The following EXOC6B variants were observed in gnomAD, a reference collection of about 807,000 sequenced individuals.
The protein encoded by EXOC6B is exocyst complex component 6B.
Under a neutral mutation model 113.5 loss-of-function variants are expected in EXOC6B, and 54 were observed. The ratio of observed to expected loss-of-function variants is 0.48; its 90% CI spans 0.38 to 0.60. The LOEUF (loss-of-function observed/expected upper bound fraction) is 0.60, where lower values mean the gene tolerates loss of function less well. Among genes scored for constraint, EXOC6B ranks in the 20% least tolerant of loss-of-function variants. The pLI, the probability that EXOC6B is intolerant of heterozygous loss-of-function variation, is 0.00. For missense variants in EXOC6B, 797 were observed against 977.5 expected, an observed-to-expected ratio of 0.82 and a Z score of 2.46; for synonymous variants, 357 against 339.0, an observed-to-expected ratio of 1.05 and a Z score of -0.58.
chr2:72,378,497 CT>C (rs1691490460), intron 19 of EXOC6B, among the ~76,000 whole-genome samples: 1 of 152,124 alleles, frequency 6.6e-6, no homozygotes, highest in South Asian at 2.1e-4. Context: ...CTTTTTATGT[CT>C]TCTGTCTAAT....
chr2:72,472,843 C>T (rs924422080), intron 17 of EXOC6B, among the ~76,000 whole-genome samples: 2 of 152,076 alleles, frequency 1.3e-5, no homozygotes, highest in Admixed American at 1.3e-4. Context: ...TTTAGTACTG[C>T]TTTTGTTGTG....
chr2:72,258,523 T>C (rs1683496300), intron 20 of EXOC6B, among the ~76,000 whole-genome samples: 1 of 151,426 alleles, frequency 6.6e-6, no homozygotes, highest in Admixed American at 6.6e-5. Flanking sequence ...CCACCACTCC[T>C]GGCTAATTTT....
chr2:72,658,286 TAAAAAAAAAAA>T (rs60572283), intron 6 of EXOC6B, among the ~76,000 whole-genome samples: 1 of 58,724 alleles, frequency 1.7e-5, no homozygotes, highest in East Asian at 5.5e-4. Context: ...TAAAAACTAG[TAAAAAAAAAAA>T]AAAAAAAAAA....
At chr2:72,456,149 G>T (rs951092896) in intron 18 of EXOC6B, among the ~76,000 whole-genome samples, 1 of 152,090 alleles carries the variant, frequency 6.6e-6, no homozygotes, top group Admixed American at 6.6e-5. Flanking sequence ...ACATTACTAA[G>T]TAATAATGAA....
chr2:72,475,845 T>C (rs1558707366), intron 17 of EXOC6B, among the ~76,000 whole-genome samples: 1 of 152,186 alleles, frequency 6.6e-6, no homozygotes, highest in East Asian at 1.9e-4. Flanking sequence ...CCCTAGCTGA[T>C]ACATTGCTCA....
intron 20 of EXOC6B, among the ~76,000 whole-genome samples, chr2:72,250,526 T>C (rs1001094847): frequency 6.6e-6 from 1 of 151,790 alleles, no homozygotes; most frequent in Non-Finnish European, 1.5e-5. Context: ...TTTTTTTTTG[T>C]AGAGACAGGG....
chr2:72,665,084 C>T (rs568588800), intron 6 of EXOC6B, among the ~76,000 whole-genome samples: 2 of 152,144 alleles, frequency 1.3e-5, no homozygotes, highest in East Asian at 1.9e-4. Context: ...TGCCTCCCTC[C>T]GCAGGGCCGG....
intron 6 of EXOC6B, among the ~76,000 whole-genome samples, chr2:72,711,617 G>T (rs1679276980): frequency 1.3e-5 from 2 of 152,156 alleles, no homozygotes; most frequent in South Asian, 4.2e-4. Context: ...CACAGGAAGA[G>T]ATTAACCACA....
At chr2:72,802,395 A>G (rs994137877) in intron 1 of EXOC6B, among the ~76,000 whole-genome samples, 1 of 151,906 alleles carries the variant, frequency 6.6e-6, no homozygotes, top group Non-Finnish European at 1.5e-5. Context: ...GGCTAAATAT[A>G]TTGTGCAATC....
rs1700230530 is a variant in EXOC6B at position 72,499,827 on chromosome 2, C to T, written c.1239+74G>A. 7 of 1,039,800 alleles carry T rather than the reference C, an allele frequency of 6.7e-6. No individual in the cohort carries two copies. The East Asian group carries it at 1.6e-4, about 23-fold the overall frequency. 64.4% of individuals were successfully genotyped at this position (1,039,800 alleles called of 1,614,324 possible). On this transcript the variant is annotated intron_variant, in intron 12 of 21. Transcript: ENST00000272427. ...ATGATTACAGGCAAAAGCCACCAGA[C>T]CCAGTCAAGAAAAAGGTTTAGAGCT...
intron 19 of EXOC6B, among the ~76,000 whole-genome samples, chr2:72,371,431 T>C (rs1047136034): frequency 6.6e-6 from 1 of 152,082 alleles, no homozygotes; most frequent in Non-Finnish European, 1.5e-5. Flanking sequence ...GACATAAAAA[T>C]TCTCAACAAA....
chr2:72,664,788 C>T (rs1226373116), intron 6 of EXOC6B, among the ~76,000 whole-genome samples: 4 of 152,224 alleles, frequency 2.6e-5, no homozygotes, highest in African/African-American at 4.8e-5. Context: ...GTGTGCACAG[C>T]GTAGCCTCTA....
intron 8 of EXOC6B, among the ~76,000 whole-genome samples, chr2:72,524,293 A>C (rs1701654892): frequency 6.6e-6 from 1 of 152,176 alleles, no homozygotes; most frequent in Non-Finnish European, 1.5e-5. Flanking sequence ...GCAGGCTCAA[A>C]GCAGAATTTT....
In EXOC6B at chr2:72,176,690, T is replaced by G. The variant is rs919644332; in HGVS notation, c.*2645A>C. ...TTAAAATGATGCAAGCAGCCTATAT[T>G]ACTACTGAAACCTAATAGAGTCCCA... On this transcript the variant is annotated 3_prime_UTR_variant, in exon 22 of 22. Transcript: ENST00000272427. The G allele has an allele frequency of 6.6e-6, 1 of 152,196 alleles. No individual in the cohort carries two copies. Among genetic ancestry groups the G allele is most frequent in the East Asian group, 1.9e-4 (1 of 5,200 alleles). The allele number at this position is 152,196 out of a possible 1,614,324, so 9.4% of individuals were successfully genotyped here.
At chr2:72,721,320 C>T (rs1005955169) in intron 5 of EXOC6B, among the ~76,000 whole-genome samples, 5 of 127,194 alleles carry the variant, frequency 3.9e-5, no homozygotes, top group South Asian at 2.4e-4. Context: ...TAGAGTAAGA[C>T]GCCATCTCAA....
chr2:72,552,403 G>A (rs1207904240), intron 8 of EXOC6B, among the ~76,000 whole-genome samples: 1 of 152,038 alleles, frequency 6.6e-6, no homozygotes, highest in Non-Finnish European at 1.5e-5. Flanking sequence ...TGTGGCAAAG[G>A]AAAAATGCAT....
At chr2:72,448,207 T>C (rs752725968) in intron 18 of EXOC6B, among the ~76,000 whole-genome samples, 5 of 152,206 alleles carry the variant, frequency 3.3e-5, no homozygotes, top group Non-Finnish European at 7.4e-5. Context: ...TTACATATAC[T>C]ATACCCTCTG....
chr2:72,476,849 G>A (rs1411353322), intron 17 of EXOC6B, among the ~76,000 whole-genome samples: 1 of 152,094 alleles, frequency 6.6e-6, no homozygotes, highest in African/African-American at 2.4e-5. Flanking sequence ...GCTGAATACT[G>A]GCTTTATTTT....
At chr2:72,438,786 A>T (rs1398306086) in intron 18 of EXOC6B, among the ~76,000 whole-genome samples, 1 of 152,158 alleles carries the variant, frequency 6.6e-6, no homozygotes, top group African/African-American at 2.4e-5. Context: ...CTCTTTTTTC[A>T]TTAACACCTC....
Sources: gnomAD v4.1 joint callset for allele counts (sites outside exome capture counted in the v4.1 genomes callset) on GRCh38, gnomAD v4.1.1 for gene constraint, MANE v1.5 for transcripts, NCBI Gene and HGNC (gene_info 2026-07-23, HGNC 2026-07-21) for gene names.